The following PKLR variants were observed in gnomAD, a reference collection of about 807,000 sequenced individuals.
PKLR encodes pyruvate kinase L/R.
In PKLR, 38 loss-of-function variants were observed where a neutral mutation model predicts 53.6. The observed-to-expected ratio is 0.71, with a 90% CI of 0.55 to 0.93. The LOEUF is 0.93. Ranked by LOEUF, PKLR falls within the 40% of genes least tolerant of loss-of-function variation. The pLI is 0.00. For missense variants in PKLR, 702 were observed against 787.3 expected, an observed-to-expected ratio of 0.89 and a Z score of 1.30; for synonymous variants, 328 against 316.2, an observed-to-expected ratio of 1.04 and a Z score of -0.39.
chr1:155,307,063 C>T, the PKLR span, among the ~76,000 whole-genome samples: 3 of 152,252 alleles, frequency 2.0e-5, no homozygotes, highest in Non-Finnish European at 4.4e-5. Context: ...TACAGGTGTG[C>T]GCCACCATGC....
At chr1:155,294,116 G>C (rs1647398537) in intron 7 of PKLR, 119 bp downstream of exon 7, 4 of 1,150,636 alleles carry the variant, frequency 3.5e-6, no homozygotes, top group Admixed American at 3.5e-5. Flanking sequence ...CTGGATGACA[G>C]AGTGAGACTC....
chr1:155,295,393 G>T lies in PKLR; in HGVS notation c.507+44C>A, dbSNP rs780094799. The T allele has an allele frequency of 4.7e-5, 76 of 1,612,218 alleles. No individual in the cohort carries two copies. Among genetic ancestry groups the T allele is most frequent in the Non-Finnish European group, 5.7e-5 (67 of 1,179,344 alleles). On this transcript the variant is annotated intron_variant, in intron 4 of 10. Coordinates refer to ENST00000342741, the MANE Select transcript of PKLR (RefSeq NM_000298.6). The surrounding 1 kb of genome is among the most constrained non-coding windows in gnomAD (Gnocchi z 4.3). ...GCCTGGGCCCAACCCTACAGGCGCCGCCTTTCCGGCCCTGGCCCAGCGAGT... is the reference window on the plus strand; with the variant it reads ...GCCTGGGCCCAACCCTACAGGCGCCTCCTTTCCGGCCCTGGCCCAGCGAGT...
the PKLR span, chr1:155,308,475 G>A: frequency 1.3e-6 from 1 of 790,898 alleles, no homozygotes; most frequent in Non-Finnish European, 1.5e-6. Flanking sequence ...AGTTCACTGA[G>A]GATCAGAGAC....
chr1:155,305,246 T>C (rs1297237594), upstream of PKLR, among the ~76,000 whole-genome samples: 2 of 152,200 alleles, frequency 1.3e-5, no homozygotes, highest in Non-Finnish European at 2.9e-5. Flanking sequence ...AAGAGAATTC[T>C]TTATTTCCTG....
Position 155,295,364 on chromosome 1 carries a change from C to T in PKLR, c.508-62G>A. On this transcript the variant is annotated intron_variant, in intron 4 of 10. Transcript: ENST00000342741. This position sits in a 1 kb window ranked among gnomAD's most constrained non-coding sequence, Gnocchi z 4.3. ...CCCGGAGTCCGGGACCCGCCCCTGC[C>T]CACGCCTGGGCCCAACCCTACAGGC... 1 of 1,613,152 alleles carries T rather than the reference C, an allele frequency of 6.2e-7. No individual in the cohort carries two copies. The highest frequency in any genetic ancestry group is 8.5e-7 in the Non-Finnish European group (1 of 1,179,480).
At position 155,300,088 on chromosome 1, in the gene PKLR, G is replaced by A; in HGVS notation, c.283+10C>T. On this transcript the variant is annotated intron_variant, in intron 2 of 10. Transcript: ENST00000342741. ...GCCCTGTGTGGCTGCAGGGGGATGG[G>A]AGTGCTTACCGATGGTGGCAATGAT... is the stretch of plus-strand genomic sequence containing the variant. The A allele has an allele frequency of 6.2e-7, 1 of 1,613,086 alleles. No homozygotes were observed. Among genetic ancestry groups the A allele is most frequent in the Non-Finnish European group, 8.5e-7 (1 of 1,179,388 alleles).
Position 155,295,575 on chromosome 1 carries a change from GA to G in PKLR, c.376-8del, listed in dbSNP as rs1647537977. Reference sequence around the variant, plus strand: ...CGATGGACTCAGCATGGTACTGGGGGAGGGAGCGGAGCGAGGGTTTCAGGGG... The same window carrying G: ...CGATGGACTCAGCATGGTACTGGGGGGGGAGCGGAGCGAGGGTTTCAGGGG... On this transcript the variant is annotated splice_region_variant and splice_polypyrimidine_tract_variant and intron_variant, in intron 3 of 10. Transcript: ENST00000342741. This position sits in a 1 kb window ranked among gnomAD's most constrained non-coding sequence, Gnocchi z 4.3. 1.2e-6 allele frequency: 2 copies of G among 1,614,104 alleles called. No homozygotes were observed. Among genetic ancestry groups the G allele is most frequent in the Non-Finnish European group, 1.7e-6 (2 of 1,180,006 alleles).
rs1281991789 is a variant in PKLR at position 155,299,018 on chromosome 1, CTTTCTTTCTTTCTTTCTCTT to C, written c.283+1060_283+1079del. Among the ~76,000 whole-genome samples, 8 of 101,356 alleles carry C rather than the reference CTTTCTTTCTTTCTTTCTCTT, an allele frequency of 7.9e-5. No homozygotes were observed. In the East Asian group the frequency reaches 1.7e-3, roughly 21 times the overall value. The allele number at this position is 101,356 out of a possible 152,430, so 66.5% of individuals were successfully genotyped here. A position where few individuals can be genotyped will look rare whatever the true frequency, so the allele number is the denominator to read the frequency against. ...TCTTTCTTTCTTTCTTTCTTTCTTT[CTTTCTTTCTTTCTTTCTCTT>C]TCTTTCTTTCTTTCCTTCCTTCCTT... is the stretch of plus-strand genomic sequence containing the variant. On this transcript the variant is annotated intron_variant, in intron 2 of 10. Coordinates refer to ENST00000342741, the MANE Select transcript of PKLR (RefSeq NM_000298.6).
chr1:155,297,236 T>C (rs1647650038), intron 2 of PKLR, among the ~76,000 whole-genome samples: 1 of 152,148 alleles, frequency 6.6e-6, no homozygotes, highest in Non-Finnish European at 1.5e-5. Context: ...AACCCAGAGT[T>C]GTGTACCTGA....
Position 155,300,228 on chromosome 1 carries a change from C to T in PKLR, c.153G>A (p.Leu51=). Residue 51 remains leucine (L), a synonymous_variant, in exon 2 of 11, where the codon CTG becomes CTA. Coordinates refer to ENST00000342741, the MANE Select transcript of PKLR (RefSeq NM_000298.6). ...RASVAQLTQE[L]GTAFFQQQQL... ...GCTGCTGCTGGAAGAAGGCAGTGCC[C>T]AGCTCCTGGGTCAGTTGGGCCACAC... 6.2e-7 allele frequency: 1 copy of T among 1,612,360 alleles called. No homozygotes were observed. The highest frequency in any genetic ancestry group is 8.5e-7 in the Non-Finnish European group (1 of 1,179,332).
upstream of PKLR, among the ~76,000 whole-genome samples, chr1:155,304,408 T>C (rs1042458178): frequency 2.5e-5 from 3 of 121,080 alleles, no homozygotes; most frequent in Non-Finnish European, 4.8e-5. Flanking sequence ...CACACCAGCC[T>C]GGGCAACAAG....
chr1:155,307,157 C>A, the PKLR span, among the ~76,000 whole-genome samples: 2 of 152,184 alleles, frequency 1.3e-5, no homozygotes, highest in African/African-American at 2.4e-5. Context: ...TCGTGATCCG[C>A]CCACCTTGGC....
At chr1:155,294,851 C>A in intron 5 of PKLR, 99 bp from the exon 6 acceptor site, 2 of 1,402,320 alleles carry the variant, frequency 1.4e-6, no homozygotes, top group Non-Finnish European at 2.0e-6. Flanking sequence ...AGGTCAGGAA[C>A]CATGTCCTCC....
the PKLR span, among the ~76,000 whole-genome samples, chr1:155,307,258 C>A: frequency 2.6e-5 from 4 of 152,132 alleles, no homozygotes; most frequent in Admixed American, 2.6e-4. Context: ...ACCTGGACAC[C>A]CTCCACCGGT....
intron 2 of PKLR, among the ~76,000 whole-genome samples, chr1:155,296,653 CT>C (rs1479781371): frequency 6.6e-6 from 1 of 152,006 alleles, no homozygotes; most frequent in Non-Finnish European, 1.5e-5. Context: ...CCATGTTTTC[CT>C]TTTTTACTGG....
At chr1:155,301,907 G>A (rs74118436), upstream of PKLR, among the ~76,000 whole-genome samples, 256 of 150,688 alleles carry the variant, frequency 1.7e-3, 2 homozygotes, top group African/African-American at 6.1e-3. Flanking sequence ...ACCCAAGATG[G>A]TACCTTGAAC....
chr1:155,304,574 C>T (rs2148224008), upstream of PKLR, among the ~76,000 whole-genome samples: 1 of 151,862 alleles, frequency 6.6e-6, no homozygotes, highest in South Asian at 2.1e-4. Context: ...CTTGGAGATG[C>T]ATTTTGGAGA....
At position 155,294,559 on chromosome 1, in the gene PKLR, G is replaced by A; in HGVS notation, c.888C>T (p.Ala296=). The A allele has an allele frequency of 6.2e-7, 1 of 1,614,228 alleles. No individual in the cohort carries two copies. The highest frequency in any genetic ancestry group is 8.5e-7 in the Non-Finnish European group (1 of 1,180,044). Residue 296 remains alanine (A), a synonymous_variant, in exon 6 of 11, where the codon GCC becomes GCT. Coordinates refer to ENST00000342741, the MANE Select transcript of PKLR (RefSeq NM_000298.6). ...SFVRKASDVA[A]VRAALGPEGH... is the part of the protein sequence containing the mutation. ...CTTCCGGACCCAGAGCAGCCCTGACGGCAGCCACGTCGCTGGCTTTCCGCA... is the reference window on the plus strand; with the variant it reads ...CTTCCGGACCCAGAGCAGCCCTGACAGCAGCCACGTCGCTGGCTTTCCGCA...
intron 10 of PKLR, 87 bp downstream of exon 10, chr1:155,291,669 A>G: frequency 8.6e-7 from 1 of 1,168,832 alleles, no homozygotes; most frequent in Non-Finnish European, 1.3e-6. Flanking sequence ...GGAGAGAGGC[A>G]AGGCCCTTTG....
Sources: gnomAD v4.1 joint callset for allele counts (sites outside exome capture counted in the v4.1 genomes callset) on GRCh38, gnomAD v4.1.1 for gene constraint, Gnocchi (gnomAD v3.1) non-coding constraint, MANE v1.5 for transcripts, NCBI Gene and HGNC (gene_info 2026-07-23, HGNC 2026-07-21) for gene names.